AP2A1: variants seen among roughly 807,000 people sequenced by gnomAD.
AP2A1 encodes the protein adaptor related protein complex 2 subunit alpha 1.
Under a neutral mutation model 107.3 loss-of-function variants are expected in AP2A1, and 21 were observed. That is an observed-to-expected ratio of 0.20 (90% confidence interval 0.14 to 0.28). The LOEUF (loss-of-function observed/expected upper bound fraction) is 0.28. AP2A1 is among the 10% of genes least tolerant of loss of function. AP2A1 has a pLI of 1.00. For synonymous variants in AP2A1, 602 were observed against 564.8 expected (o/e 1.07, Z -0.93); for missense variants, 873 against 1,307.7 (o/e 0.67, Z 5.13).
In AP2A1 at chr19:49,807,005, G is replaced by T. The variant is rs1426511507; in HGVS notation, c.*247G>T. 4 of 1,524,340 alleles carry T rather than the reference G, an allele frequency of 2.6e-6. No homozygotes were observed. The East Asian group carries it at 7.4e-5, about 28-fold the overall frequency. The allele number at this position is 1,524,340 out of a possible 1,614,324, so 94.4% of individuals were successfully genotyped here. A position where few individuals can be genotyped will look rare whatever the true frequency, so the allele number is the denominator to read the frequency against. ...AAGCACAGAGGGGAGAGGGGCCAGG[G>T]AAGTGGATGTCTCCTCCCCTCCCAC... On this transcript the variant is annotated 3_prime_UTR_variant, in exon 23 of 23. Transcript: ENST00000354293.
rs1390790690 is a variant in AP2A1 at position 49,790,694 on chromosome 19, C to G, written c.474-1241C>G. On this transcript the variant is annotated intron_variant, in intron 4 of 22. Coordinates refer to ENST00000354293, the MANE Select transcript of AP2A1 (RefSeq NM_130787.3). ...GGATTACAGGCGTGAGCCACCCTAA[C>G]CCCCAGAACCTGTGAATATATTCCC... is the stretch of plus-strand genomic sequence containing the variant. Among the ~76,000 whole-genome samples the G allele has an allele frequency of 2.0e-5, 3 of 152,354 alleles. No individual in the cohort carries two copies. In the East Asian group the frequency reaches 5.8e-4, roughly 29 times the overall value.
At chr19:49,774,735 A>T (rs1037832755) in intron 1 of AP2A1, among the ~76,000 whole-genome samples, 11 of 150,406 alleles carry the variant, frequency 7.3e-5, no homozygotes, top group Admixed American at 1.3e-4. Flanking sequence ...AACCTGGCCA[A>T]CATAGTGAAA....
chr19:49,787,349 T>TTG (rs2084752861), intron 4 of AP2A1, among the ~76,000 whole-genome samples: 1 of 116,402 alleles, frequency 8.6e-6, no homozygotes, highest in African/African-American at 3.6e-5. Context: ...TTTTTTTTGT[T>TTG]TTTTGTTTTT....
chr19:49,792,101 G>T (rs2073150552), intron 5 of AP2A1, 37 bp downstream of exon 5: 1 of 1,601,544 alleles, frequency 6.2e-7, no homozygotes, highest in Non-Finnish European at 8.5e-7. Context: ...GATACCCAGG[G>T]CTCCCACCTC....
At chr19:49,797,972 C>G (rs955473722) in intron 7 of AP2A1, among the ~76,000 whole-genome samples, 10 of 152,088 alleles carry the variant, frequency 6.6e-5, no homozygotes, top group African/African-American at 2.2e-4. Context: ...TGGACTAGCC[C>G]CCCTACACCT....
chr19:49,794,362 C>G (rs2073185080), intron 6 of AP2A1, among the ~76,000 whole-genome samples: 1 of 151,704 alleles, frequency 6.6e-6, no homozygotes, highest in South Asian at 2.1e-4. Flanking sequence ...CTGCAGGTGC[C>G]TGGCTAATTT....
intron 1 of AP2A1, among the ~76,000 whole-genome samples, chr19:49,774,879 A>G (rs1352398677): frequency 2.7e-5 from 4 of 147,886 alleles, no homozygotes; most frequent in African/African-American, 5.0e-5. Context: ...AGATTGTGCC[A>G]CTGCGCTCCA....
At chr19:49,795,416 C>A (rs150733943) in intron 6 of AP2A1, among the ~76,000 whole-genome samples, 2 of 152,110 alleles carry the variant, frequency 1.3e-5, no homozygotes, top group African/African-American at 4.8e-5. Context: ...CAGGACATTG[C>A]GGGACTGAGG....
intron 1 of AP2A1, among the ~76,000 whole-genome samples, chr19:49,775,433 G>T (rs2084608082): frequency 6.6e-6 from 1 of 152,216 alleles, no homozygotes; most frequent in African/African-American, 2.4e-5. Context: ...TCCTGCCTCA[G>T]CCTCCCTAGT....
chr19:49,769,454 G>A (rs2123656020), intron 1 of AP2A1, among the ~76,000 whole-genome samples: 1 of 152,272 alleles, frequency 6.6e-6, no homozygotes, highest in East Asian at 1.9e-4. Context: ...AGTCATATCT[G>A]AGTGGAGCAA....
Position 49,798,947 on chromosome 19 carries a change from T to C in AP2A1, c.960T>C (p.Tyr320=). ...LFETISLIIH[Y]DSEPNLLVRA... is the part of the protein sequence containing the mutation. ...AGACCATCAGCCTCATCATCCACTA[T>C]GACAGGTGCCCGCCTGGGCCTATCA... The change falls in exon 8 of 23, where the codon TAT becomes TAC. Residue 320 remains tyrosine, a synonymous_variant. Coordinates refer to ENST00000354293, the MANE Select transcript of AP2A1 (RefSeq NM_130787.3). The C allele has an allele frequency of 6.4e-7, 1 of 1,552,224 alleles. No homozygotes were observed. The highest frequency in any genetic ancestry group is 8.7e-7 in the Non-Finnish European group (1 of 1,147,270).
rs766340553 is a variant in AP2A1 at position 49,806,794 on chromosome 19, T to C, written c.*36T>C. The stretch of plus-strand genomic sequence containing the variant: ...CTGCCCCGGGGGATGTGGCCGGCAC[T>C]GGGCAGCCCCTTGGACTGAGGCAGT... On this transcript the variant is annotated 3_prime_UTR_variant, in exon 23 of 23. Transcript: ENST00000354293. The C allele has an allele frequency of 3.4e-5, 55 of 1,612,854 alleles. 1 individual carries two copies. In the South Asian group the frequency reaches 5.2e-4, roughly 15 times the overall value.
intron 4 of AP2A1, among the ~76,000 whole-genome samples, chr19:49,787,419 C>T (rs2084755638): frequency 6.9e-6 from 1 of 145,628 alleles, no homozygotes; most frequent in South Asian, 2.2e-4. Flanking sequence ...GCAATCTTGG[C>T]TCACTGCAAC....
chr19:49,767,020 G>A lies in AP2A1; in HGVS notation c.-114G>A. Reference sequence around the variant, plus strand: ...CCGCCCGCCAGCCAGCCCTCCCCGCGGCCGGCTCGGCTCCTTGGCGCTGCC... The same window carrying A: ...CCGCCCGCCAGCCAGCCCTCCCCGCAGCCGGCTCGGCTCCTTGGCGCTGCC... On this transcript the variant is annotated 5_prime_UTR_variant, in exon 1 of 23. Coordinates refer to ENST00000354293, the MANE Select transcript of AP2A1 (RefSeq NM_130787.3). 1.2e-6 allele frequency: 1 copy of A among 868,234 alleles called. No individual in the cohort carries two copies. The highest frequency in any genetic ancestry group is 1.5e-6 in the Non-Finnish European group (1 of 652,884). The allele number at this position is 868,234 out of a possible 1,614,324, so 53.8% of individuals were successfully genotyped here. A position where few individuals can be genotyped will look rare whatever the true frequency, so the allele number is the denominator to read the frequency against.
rs145320236 is a variant in AP2A1, at chr19:49,788,410, G to A, written c.474-3525G>A. Among the ~76,000 whole-genome samples the A allele has an allele frequency of 2.2e-4, 34 of 152,278 alleles. No individual in the cohort carries two copies. In the East Asian group the frequency reaches 6.0e-3, roughly 27 times the overall value. On this transcript the variant is annotated intron_variant, in intron 4 of 22. Transcript: ENST00000354293. The surrounding 1 kb of genome is among the most constrained non-coding windows in gnomAD (Gnocchi z 4.5). ...TGTAAATGGAGATGATAGAATCCGC[G>A]TCCTTAGAGGGCTGTGGTGGGGAGC...
intron 1 of AP2A1, among the ~76,000 whole-genome samples, chr19:49,769,105 C>T (rs917367550): frequency 6.6e-6 from 1 of 152,018 alleles, no homozygotes; most frequent in Non-Finnish European, 1.5e-5. Context: ...CAAAAATTAG[C>T]CAGGTGTGGT....
intron 1 of AP2A1, among the ~76,000 whole-genome samples, chr19:49,774,765 A>T (rs2123671276): frequency 6.6e-6 from 1 of 152,082 alleles, no homozygotes; most frequent in Non-Finnish European, 1.5e-5. Flanking sequence ...TACTAAAAAT[A>T]CACAAATTAG....
At position 49,782,106 on chromosome 19, in the gene AP2A1, G is replaced by A. The variant is rs1157852391; in HGVS notation, c.279+17G>A. ...AAGCAAATAGTGAGTCTGGAGAGGG[G>A]GGTGCCAGGGCCTGGACTCCTGGGT... On this transcript the variant is annotated intron_variant, in intron 3 of 22. Transcript: ENST00000354293. 6.5e-7 allele frequency: 1 copy of A among 1,547,716 alleles called. No homozygotes were observed. The highest frequency in any genetic ancestry group is 8.7e-7 in the Non-Finnish European group (1 of 1,145,188).
chr19:49,797,420 T>G (rs1485315842), intron 7 of AP2A1: 2 of 152,240 alleles, frequency 1.3e-5, no homozygotes, highest in Non-Finnish European at 2.9e-5. Flanking sequence ...TCATGATGTT[T>G]TGCCTTTAAA....
Sources: gnomAD v4.1 joint callset for allele counts (sites outside exome capture counted in the v4.1 genomes callset) on GRCh38, gnomAD v4.1.1 for gene constraint, Gnocchi (gnomAD v3.1) non-coding constraint, MANE v1.5 for transcripts, NCBI Gene and HGNC (gene_info 2026-07-23, HGNC 2026-07-21) for gene names.